Variants in SEPHS1 observed in about 807,000 individuals in gnomAD.
SEPHS1 encodes zincore component SEPHS1.
SEPHS1 carries 7 observed loss-of-function variants against 39.2 expected under a neutral mutation model. The observed-to-expected ratio is 0.18, with a 90% CI of 0.10 to 0.34. The LOEUF (loss-of-function observed/expected upper bound fraction) is 0.34. Ranked by LOEUF, SEPHS1 falls within the 10% of genes least tolerant of loss-of-function variation. The probability of loss-of-function intolerance (pLI) is 1.00; values close to 1 mark genes in which losing one functional copy is unlikely to be tolerated. For synonymous variants in SEPHS1, 190 were observed against 195.5 expected, an observed-to-expected ratio of 0.97 and a Z score of 0.23; for missense variants, 253 against 514.5, an observed-to-expected ratio of 0.49 and a Z score of 4.92.
At position 13,333,937 on chromosome 10, in the gene SEPHS1, C is replaced by G. The variant is rs373442320; in HGVS notation, c.440G>C (p.Gly147Ala). 1 of 1,613,866 alleles carries G rather than the reference C, an allele frequency of 6.2e-7. No individual in the cohort carries two copies. The highest frequency in any genetic ancestry group is 8.5e-7 in the Non-Finnish European group (1 of 1,179,918). The change falls in exon 5 of 9, where the codon GGT becomes GCT. Residue 147 changes from glycine (G) to alanine (A), a missense_variant. By Grantham distance (60) the Gly-to-Ala change is moderately conservative (BLOSUM62 0). Coordinates refer to ENST00000327347, the MANE Select transcript of SEPHS1 (RefSeq NM_012247.5). ...RDKVMPLIIQGFKDAAEEAGT... is the reference protein window; with the variant it reads ...RDKVMPLIIQAFKDAAEEAGT... ...TGCTTCCTCAGCTGCGTCTTTAAAA[C>G]CTTGGATAATCAGAGGCATCACTTT...
chr10:13,337,086 G>A (rs1474686009), intron 3 of SEPHS1, among the ~76,000 whole-genome samples: 1 of 152,158 alleles, frequency 6.6e-6, no homozygotes, highest in African/African-American at 2.4e-5. Flanking sequence ...GGGAGGTGGA[G>A]GTTGCAGTAA....
intron 2 of SEPHS1, 78 bp from the exon 3 acceptor site, chr10:13,338,886 A>T: frequency 9.6e-7 from 1 of 1,037,522 alleles, no homozygotes; most frequent in Non-Finnish European, 1.5e-6. Context: ...TGCTCTGAAC[A>T]GGAAGAGCTC....
intron 3 of SEPHS1, 28 bp downstream of exon 3, chr10:13,338,677 T>C (rs1335752830): frequency 1.3e-6 from 2 of 1,560,282 alleles, no homozygotes; most frequent in African/African-American, 2.7e-5. Context: ...GCCCTTCCAG[T>C]CACAAAAACA....
At position 13,322,876 on chromosome 10, in the gene SEPHS1, T is replaced by C; in HGVS notation, c.923A>G (p.Asn308Ser). 6.2e-7 allele frequency: 1 copy of C among 1,613,978 alleles called. No homozygotes were observed. The highest frequency in any genetic ancestry group is 1.1e-5 in the South Asian group (1 of 91,082). ...GGTCCCGTGCATGAGGCCGAACATG[T>C]TTCCGCAGGCCTTGCTCACCGCAGC... ...KMAAVSKACG[N>S]MFGLMHGTCP... Residue 308 changes from asparagine to serine, a missense_variant, in exon 8 of 9, where the codon AAC becomes AGC. Physicochemically the swap from Asn to Ser is conservative, Grantham distance 46. Transcript: ENST00000327347.
chr10:13,332,053 C>T (rs982316571), intron 5 of SEPHS1, among the ~76,000 whole-genome samples: 1 of 152,200 alleles, frequency 6.6e-6, no homozygotes. Context: ...CCCAAGAGAC[C>T]GGAACTTATG....
chr10:13,344,185 A>G (rs1292213340), intron 2 of SEPHS1, among the ~76,000 whole-genome samples: 1 of 152,182 alleles, frequency 6.6e-6, no homozygotes, highest in Non-Finnish European at 1.5e-5. Flanking sequence ...CTCCTGACAC[A>G]GTCACTGCCA....
At chr10:13,331,067 G>A (rs948453192) in intron 5 of SEPHS1, among the ~76,000 whole-genome samples, 1 of 152,044 alleles carries the variant, frequency 6.6e-6, no homozygotes, top group African/African-American at 2.4e-5. Context: ...TCCCACCTAT[G>A]AGTGAGAACA....
chr10:13,328,339 CA>C lies in SEPHS1; in HGVS notation c.751+11del. ...ACCCCTGGGACCGAAGCGCCCTTCCCACCTGTCATACCTGTCCTGTTGAGCC... is the reference window on the plus strand; with the variant it reads ...ACCCCTGGGACCGAAGCGCCCTTCCCCCTGTCATACCTGTCCTGTTGAGCC... On this transcript the variant is annotated intron_variant, in intron 7 of 8. Transcript: ENST00000327347. 1.9e-6 allele frequency: 3 copies of C among 1,584,878 alleles called. No individual in the cohort carries two copies. Among genetic ancestry groups the C allele is most frequent in the South Asian group, 2.2e-5 (2 of 90,064 alleles).
At chr10:13,343,636 A>C (rs1040054751) in intron 2 of SEPHS1, among the ~76,000 whole-genome samples, 12 of 151,064 alleles carry the variant, frequency 7.9e-5, no homozygotes, top group African/African-American at 2.9e-4. Flanking sequence ...CAACATGGTA[A>C]AACTCCCATC....
chr10:13,329,997 A>T (rs1833418582), intron 5 of SEPHS1, among the ~76,000 whole-genome samples: 1 of 152,232 alleles, frequency 6.6e-6, no homozygotes, highest in Non-Finnish European at 1.5e-5. Flanking sequence ...ATCAGGCTGG[A>T]CACAGTGGCT....
At chr10:13,339,950 T>C (rs1324343466) in intron 2 of SEPHS1, among the ~76,000 whole-genome samples, 1 of 152,182 alleles carries the variant, frequency 6.6e-6, no homozygotes, top group Non-Finnish European at 1.5e-5. Context: ...GGGGATGCTG[T>C]ACTTCTACTT....
intron 6 of SEPHS1, 79 bp downstream of exon 6, chr10:13,329,619 C>T (rs1297013876): frequency 9.1e-7 from 1 of 1,102,918 alleles, no homozygotes; most frequent in Non-Finnish European, 1.3e-6. Flanking sequence ...TAAAAAACCT[C>T]ATTTCCCAAA....
intron 5 of SEPHS1, among the ~76,000 whole-genome samples, chr10:13,331,672 C>T (rs903331210): frequency 1.3e-5 from 2 of 152,210 alleles, no homozygotes; most frequent in Non-Finnish European, 2.9e-5. Context: ...CATGAGCCAC[C>T]ACGCCCGGCC....
rs1832999251 is a variant in SEPHS1 at position 13,318,229 on chromosome 10, T to A, written c.*913A>T. ...AATGCTAAGAATTAGGCCAAACAGC[T>A]GCTGATTTTAAGAAAACAAAAGGCC... On this transcript the variant is annotated 3_prime_UTR_variant, in exon 9 of 9. Coordinates refer to ENST00000327347, the MANE Select transcript of SEPHS1 (RefSeq NM_012247.5). The A allele has an allele frequency of 6.6e-6, 1 of 152,614 alleles. No individual in the cohort carries two copies. The highest frequency in any genetic ancestry group is 6.6e-5 in the Admixed American group (1 of 15,266). 9.5% of individuals were successfully genotyped at this position (152,614 alleles called of 1,614,324 possible). A position where few individuals can be genotyped will look rare whatever the true frequency, so the allele number is the denominator to read the frequency against.
At chr10:13,345,166 C>T (rs1223015153) in intron 1 of SEPHS1, 138 bp from the exon 2 acceptor site, 2 of 411,028 alleles carry the variant, frequency 4.9e-6, no homozygotes, top group Admixed American at 4.4e-5. Flanking sequence ...TTCACCACAG[C>T]AGTGCATATG....
At chr10:13,327,916 C>G (rs559197645) in intron 7 of SEPHS1, among the ~76,000 whole-genome samples, 1 of 152,266 alleles carries the variant, frequency 6.6e-6, no homozygotes, top group East Asian at 1.9e-4. Context: ...TAAAAATATT[C>G]TAAAATGCAA....
intron 4 of SEPHS1, among the ~76,000 whole-genome samples, chr10:13,334,293 C>A (rs1198584295): frequency 6.6e-6 from 1 of 152,194 alleles, no homozygotes; most frequent in Non-Finnish European, 1.5e-5. Context: ...GTATTCCCAG[C>A]ACTTTGGGAG....
chr10:13,337,843 G>C (rs1833682987), intron 3 of SEPHS1, among the ~76,000 whole-genome samples: 1 of 152,280 alleles, frequency 6.6e-6, no homozygotes, highest in South Asian at 2.1e-4. Context: ...AAGAAATATA[G>C]GTTTCCAATA....
At chr10:13,344,610 T>C (rs1366763042) in intron 2 of SEPHS1, 148 bp downstream of exon 2, 1 of 533,324 alleles carries the variant, frequency 1.9e-6, no homozygotes, top group Non-Finnish European at 3.2e-6. Flanking sequence ...AATATATTCA[T>C]GTAACAAAAC....
Sources: gnomAD v4.1 joint callset for allele counts (sites outside exome capture counted in the v4.1 genomes callset) on GRCh38, gnomAD v4.1.1 for gene constraint, MANE v1.5 for transcripts, NCBI Gene and HGNC (gene_info 2026-07-23, HGNC 2026-07-21) for gene names.